Variants in NDUFAF2 observed in about 807,000 individuals in gnomAD.
The protein encoded by NDUFAF2 is NADH dehydrogenase [ubiquinone] 1 alpha subcomplex assembly factor 2.
In NDUFAF2, 13 loss-of-function variants were observed where a neutral mutation model predicts 22.8. That is an observed-to-expected ratio of 0.57 (90% CI 0.37 to 0.91). The LOEUF is 0.91. Ranked by LOEUF, NDUFAF2 falls within the 40% of genes least tolerant of loss-of-function variation. The pLI is 0.01. For missense variants in NDUFAF2, 162 were observed against 195.2 expected (o/e 0.83, Z 1.01); for synonymous variants, 53 against 64.2 (o/e 0.83, Z 0.84).
At chr5:61,124,517 T>C (rs986806382) in intron 3 of NDUFAF2, among the ~76,000 whole-genome samples, 2 of 152,092 alleles carry the variant, frequency 1.3e-5, no homozygotes, top group African/African-American at 4.8e-5. Context: ...TTCTCTTAGT[T>C]ACTAATATTT....
intron 1 of NDUFAF2, among the ~76,000 whole-genome samples, chr5:61,052,662 A>G (rs754994646): frequency 6.6e-5 from 10 of 152,140 alleles, no homozygotes; most frequent in South Asian, 2.1e-4. Context: ...GACTTTTTCT[A>G]TGGTTTTTAT....
At chr5:61,034,282 A>G (rs1461143634) in intron 1 of NDUFAF2, among the ~76,000 whole-genome samples, 1 of 152,196 alleles carries the variant, frequency 6.6e-6, no homozygotes, top group Non-Finnish European at 1.5e-5. Context: ...GTTATGTGTC[A>G]CTTAATGATG....
intron 1 of NDUFAF2, among the ~76,000 whole-genome samples, chr5:60,996,039 C>T (rs1454748651): frequency 6.6e-6 from 1 of 152,140 alleles, no homozygotes; most frequent in Non-Finnish European, 1.5e-5. Flanking sequence ...CCCTTCAGGA[C>T]AGTGGGCTCC....
At chr5:61,125,764 T>G (rs897701363) in intron 3 of NDUFAF2, among the ~76,000 whole-genome samples, 4 of 152,078 alleles carry the variant, frequency 2.6e-5, no homozygotes, top group Non-Finnish European at 4.4e-5. Flanking sequence ...GTGTTATATA[T>G]TTAAAATTTA....
chr5:61,023,041 G>A (rs754361869), intron 1 of NDUFAF2, among the ~76,000 whole-genome samples: 196 of 152,152 alleles, frequency 1.3e-3, no homozygotes, highest in Middle Eastern at 3.4e-3. Context: ...CCTAGACCCG[G>A]GAAGGGATTC....
At chr5:60,997,550 T>C (rs919143331) in intron 1 of NDUFAF2, among the ~76,000 whole-genome samples, 6 of 152,244 alleles carry the variant, frequency 3.9e-5, no homozygotes, top group Admixed American at 3.3e-4. Flanking sequence ...AACATACCTT[T>C]GATTCATAAA....
At chr5:61,109,831 C>T (rs557516935) in intron 3 of NDUFAF2, among the ~76,000 whole-genome samples, 7 of 152,262 alleles carry the variant, frequency 4.6e-5, no homozygotes, top group East Asian at 3.9e-4. Flanking sequence ...TGAGGCCTCC[C>T]CAGCCGTGCA....
chr5:61,111,771 A>T (rs1579836312), intron 3 of NDUFAF2, among the ~76,000 whole-genome samples: 1 of 151,878 alleles, frequency 6.6e-6, no homozygotes, highest in Admixed American at 6.6e-5. Context: ...GGCAGGTGCC[A>T]CCACGCCCGG....
At chr5:61,100,774 C>G (rs892009792) in intron 3 of NDUFAF2, among the ~76,000 whole-genome samples, 9 of 152,082 alleles carry the variant, frequency 5.9e-5, no homozygotes, top group Non-Finnish European at 1.3e-4. Flanking sequence ...AAAGTGAGTT[C>G]AACTGCTTCT....
At chr5:61,043,395 T>C (rs1283456867) in intron 1 of NDUFAF2, among the ~76,000 whole-genome samples, 2 of 151,814 alleles carry the variant, frequency 1.3e-5, no homozygotes, top group East Asian at 1.9e-4. Flanking sequence ...AACCCTAATA[T>C]TAATATAAAC....
intron 2 of NDUFAF2, among the ~76,000 whole-genome samples, chr5:61,092,185 G>A (rs1430213971): frequency 1.3e-5 from 2 of 152,174 alleles, no homozygotes; most frequent in African/African-American, 2.4e-5. Flanking sequence ...GTTTAGGATT[G>A]CTTTGGCTAT....
intron 2 of NDUFAF2, among the ~76,000 whole-genome samples, chr5:61,079,319 A>G (rs1184764532): frequency 1.3e-5 from 2 of 152,224 alleles, no homozygotes; most frequent in African/African-American, 4.8e-5. Context: ...TCATAAAATA[A>G]TAGACCAGGA....
intron 1 of NDUFAF2, among the ~76,000 whole-genome samples, chr5:61,071,406 T>A (rs1227666514): frequency 1.3e-5 from 2 of 152,216 alleles, no homozygotes; most frequent in African/African-American, 4.8e-5. Flanking sequence ...TCCCAGCCTT[T>A]CACTTAATAT....
intron 1 of NDUFAF2, among the ~76,000 whole-genome samples, chr5:61,067,746 CAG>C (rs1198286956): frequency 6.6e-6 from 1 of 152,096 alleles, no homozygotes; most frequent in Non-Finnish European, 1.5e-5. Flanking sequence ...CTGACTTCCA[CAG>C]TGGTTGAACT....
At chr5:61,147,972 T>C (rs965425937) in intron 3 of NDUFAF2, among the ~76,000 whole-genome samples, 1 of 152,160 alleles carries the variant, frequency 6.6e-6, no homozygotes, top group Non-Finnish European at 1.5e-5. Context: ...TCCCCAGTAT[T>C]CTTTAGTGAG....
At chr5:61,008,545 G>T (rs1238036807) in intron 1 of NDUFAF2, among the ~76,000 whole-genome samples, 1 of 152,070 alleles carries the variant, frequency 6.6e-6, no homozygotes, top group Admixed American at 6.6e-5. Context: ...TTGCTTAAAT[G>T]CACTGAGCTT....
At chr5:60,949,547 A>G (rs1044059144) in intron 1 of NDUFAF2, among the ~76,000 whole-genome samples, 1 of 152,206 alleles carries the variant, frequency 6.6e-6, no homozygotes, top group Non-Finnish European at 1.5e-5. Context: ...TTCATTTTCC[A>G]TGAGTACATA....
intron 1 of NDUFAF2, among the ~76,000 whole-genome samples, chr5:60,988,592 A>G (rs1751114740): frequency 6.6e-6 from 1 of 152,178 alleles, no homozygotes; most frequent in Non-Finnish European, 1.5e-5. Flanking sequence ...ACATAAACCA[A>G]TGGAACAGAA....
At chr5:61,051,972 C>T (rs1447492489) in intron 1 of NDUFAF2, among the ~76,000 whole-genome samples, 2 of 152,138 alleles carry the variant, frequency 1.3e-5, no homozygotes, top group East Asian at 3.8e-4. Flanking sequence ...TGAGGTCAAT[C>T]AAACAACTAC....
Sources: allele counts gnomAD v4.1 joint callset (sites outside exome capture counted in the v4.1 genomes callset), GRCh38; gene constraint gnomAD v4.1.1; transcripts MANE v1.5; gene names NCBI Gene and HGNC (gene_info 2026-07-23, HGNC 2026-07-21).